Variants in CCDC91 observed in about 807,000 individuals in gnomAD.
The protein encoded by CCDC91 is coiled-coil domain-containing protein 91.
In CCDC91, 48 loss-of-function variants were observed where a neutral mutation model predicts 63.2. The observed-to-expected ratio is 0.76, with a 90% CI of 0.60 to 0.97. The LOEUF (loss-of-function observed/expected upper bound fraction) is 0.97, where lower values mean the gene tolerates loss of function less well. Ranked by LOEUF, CCDC91 falls within the 50% of genes least tolerant of loss-of-function variation. The pLI is 0.00. For missense variants in CCDC91, 500 were observed against 494.6 expected (o/e 1.01, Z -0.10); for synonymous variants, 167 against 165.8 (o/e 1.01, Z -0.06).
chr12:28,500,133 TA>T (rs1399712484), intron 12 of CCDC91, among the ~76,000 whole-genome samples: 1 of 152,100 alleles, frequency 6.6e-6, no homozygotes, highest in South Asian at 2.1e-4. Flanking sequence ...GTTGACTACA[TA>T]AATGTCTTCT....
At chr12:28,517,353 G>A (rs1940065864) in intron 12 of CCDC91, among the ~76,000 whole-genome samples, 1 of 151,860 alleles carries the variant, frequency 6.6e-6, no homozygotes. Flanking sequence ...TTTCCCAAGG[G>A]CCTTATTAGT....
intron 8 of CCDC91, among the ~76,000 whole-genome samples, chr12:28,439,485 T>G (rs1177130561): frequency 2.0e-5 from 3 of 152,122 alleles, no homozygotes; most frequent in Non-Finnish European, 4.4e-5. Context: ...GAAGGTAAAA[T>G]AAGATGCTCA....
intron 12 of CCDC91, among the ~76,000 whole-genome samples, chr12:28,533,897 T>C: frequency 6.6e-6 from 1 of 152,122 alleles, no homozygotes; most frequent in Non-Finnish European, 1.5e-5. Context: ...CACATATGGA[T>C]ATTTTGATTC....
intron 3 of CCDC91, among the ~76,000 whole-genome samples, chr12:28,303,820 T>C (rs1938351319): frequency 6.6e-6 from 1 of 152,148 alleles, no homozygotes. Context: ...AGTGTGGTTC[T>C]AGAGTCTATG....
At chr12:28,342,500 G>A (rs1225789479) in intron 6 of CCDC91, among the ~76,000 whole-genome samples, 1 of 152,152 alleles carries the variant, frequency 6.6e-6, no homozygotes, top group Admixed American at 6.5e-5. Context: ...ATCAGGATGA[G>A]TATAGAAAAT....
At chr12:28,191,699 G>A (rs1174765801) in intron 1 of CCDC91, among the ~76,000 whole-genome samples, 1 of 152,164 alleles carries the variant, frequency 6.6e-6, no homozygotes, top group African/African-American at 2.4e-5. Flanking sequence ...TGTGTTCCCT[G>A]CTGTCGGAGA....
At chr12:28,304,407 A>T (rs1349738488) in intron 3 of CCDC91, among the ~76,000 whole-genome samples, 1 of 141,074 alleles carries the variant, frequency 7.1e-6, no homozygotes, top group African/African-American at 2.5e-5. Context: ...AAAAAGAAAA[A>T]AAAAAAAAGA....
chr12:28,441,689 A>G (rs1949225524), intron 8 of CCDC91, among the ~76,000 whole-genome samples: 2 of 143,132 alleles, frequency 1.4e-5, no homozygotes, highest in Non-Finnish European at 1.5e-5. Context: ...TCTCATGTGT[A>G]TATATATATC....
At chr12:28,529,008 T>A (rs1941515035) in intron 12 of CCDC91, among the ~76,000 whole-genome samples, 1 of 152,042 alleles carries the variant, frequency 6.6e-6, no homozygotes, top group Admixed American at 6.6e-5. Context: ...TCTGTTTCTA[T>A]GTATATGTAT....
At chr12:28,508,998 G>A (rs1336053059) in intron 12 of CCDC91, among the ~76,000 whole-genome samples, 1 of 151,926 alleles carries the variant, frequency 6.6e-6, no homozygotes, top group African/African-American at 2.4e-5. Flanking sequence ...CCATCATTCT[G>A]TTAGGCCAGT....
At chr12:28,196,839 A>G (rs1440500019) in intron 1 of CCDC91, among the ~76,000 whole-genome samples, 1 of 152,172 alleles carries the variant, frequency 6.6e-6, no homozygotes, top group Non-Finnish European at 1.5e-5. Context: ...TTTAAAAACA[A>G]AATTGTTAAT....
intron 3 of CCDC91, 109 bp from the exon 4 acceptor site, chr12:28,305,540 T>A: frequency 1.1e-6 from 1 of 922,106 alleles, no homozygotes; most frequent in Non-Finnish European, 1.5e-6. Context: ...TTACTTTCCT[T>A]ACTTTTTTCT....
At chr12:28,509,937 C>G (rs962725634) in intron 12 of CCDC91, among the ~76,000 whole-genome samples, 4 of 151,820 alleles carry the variant, frequency 2.6e-5, no homozygotes. Context: ...TATTTCTGAA[C>G]TGGTAATAGT....
At chr12:28,423,035 G>A (rs111934997) in intron 8 of CCDC91, among the ~76,000 whole-genome samples, 4 of 152,032 alleles carry the variant, frequency 2.6e-5, no homozygotes, top group African/African-American at 9.6e-5. Flanking sequence ...TTCTGACAGA[G>A]GAAATTATTA....
At chr12:28,519,705 G>T (rs1370163718) in intron 12 of CCDC91, among the ~76,000 whole-genome samples, 1 of 147,280 alleles carries the variant, frequency 6.8e-6, no homozygotes, top group Non-Finnish European at 1.5e-5. Flanking sequence ...ATCTCCTAAT[G>T]CTATCCCTCC....
chr12:28,520,272 G>A (rs1406434329), intron 12 of CCDC91, among the ~76,000 whole-genome samples: 1 of 152,152 alleles, frequency 6.6e-6, no homozygotes, highest in African/African-American at 2.4e-5. Context: ...TCTAACTGGT[G>A]TGAGATGGTG....
intron 7 of CCDC91, among the ~76,000 whole-genome samples, chr12:28,388,257 G>C (rs371399512): frequency 3.3e-5 from 5 of 152,032 alleles, no homozygotes; most frequent in African/African-American, 1.2e-4. Context: ...GTAAGTCCTA[G>C]CCAGAGCAAT....
At position 28,241,175 on chromosome 12, in the gene CCDC91, C is replaced by T. The variant is rs1162657248; in HGVS notation, c.-14-16027C>T. ...TAACATCTTTTTATTTGCTTAGTTG[C>T]TATCCCCTTTGTATATCTTCTTTGG... On this transcript the variant is annotated intron_variant, in intron 1 of 12. Transcript: ENST00000536442. Among the ~76,000 whole-genome samples, 3 of 152,110 alleles carry T rather than the reference C, an allele frequency of 2.0e-5. No homozygotes were observed. In the East Asian group the frequency reaches 5.8e-4, roughly 29 times the overall value.
chr12:28,342,431 G>T (rs1232196416), intron 6 of CCDC91, among the ~76,000 whole-genome samples: 3 of 152,190 alleles, frequency 2.0e-5, no homozygotes. Flanking sequence ...TTGTGGCATA[G>T]TGGTGGGGAT....
Sources: gnomAD v4.1 joint callset for allele counts (sites outside exome capture counted in the v4.1 genomes callset) on GRCh38, gnomAD v4.1.1 for gene constraint, MANE v1.5 for transcripts, NCBI Gene and HGNC (gene_info 2026-07-23, HGNC 2026-07-21) for gene names.